The following DTWD2 variants were observed in gnomAD, a reference collection of about 807,000 sequenced individuals.
The protein encoded by DTWD2 is DTW motif tRNA-uridine aminocarboxypropyltransferase 2, also known as tRNA-uridine aminocarboxypropyltransferase 2.
In DTWD2, 39 loss-of-function variants were observed where a neutral mutation model predicts 31.8. That is an observed-to-expected ratio of 1.22 (90% CI 0.95 to 1.60). The LOEUF (loss-of-function observed/expected upper bound fraction) is 1.60. Ranked by LOEUF, DTWD2 falls within the 40% of genes most tolerant of loss-of-function variation. DTWD2 has a pLI of 0.00. For synonymous variants in DTWD2, 180 were observed against 142.8 expected, an observed-to-expected ratio of 1.26 and a Z score of -1.86; for missense variants, 515 against 381.5, an observed-to-expected ratio of 1.35 and a Z score of -2.92.
intron 4 of DTWD2, among the ~76,000 whole-genome samples, chr5:118,903,133 T>C (rs1195369585): frequency 6.9e-6 from 1 of 144,328 alleles, no homozygotes; most frequent in Non-Finnish European, 1.5e-5. Flanking sequence ...TAATATTCAT[T>C]GTGCTAAAAT....
intron 4 of DTWD2, among the ~76,000 whole-genome samples, chr5:118,908,505 T>C (rs1753383532): frequency 6.6e-6 from 1 of 152,136 alleles, no homozygotes; most frequent in Non-Finnish European, 1.5e-5. Context: ...TTCAAACACA[T>C]ATCTTCTAAT....
intron 4 of DTWD2, among the ~76,000 whole-genome samples, chr5:118,865,271 A>T (rs1752357775): frequency 6.6e-6 from 1 of 152,208 alleles, no homozygotes; most frequent in African/African-American, 2.4e-5. Flanking sequence ...AAACATGTTA[A>T]ATGACATTAC....
At chr5:118,919,430 T>A (rs999782834) in intron 4 of DTWD2, among the ~76,000 whole-genome samples, 1 of 152,234 alleles carries the variant, frequency 6.6e-6, no homozygotes, top group Non-Finnish European at 1.5e-5. Context: ...TAATGGCTTC[T>A]TTAGGTCTAC....
At chr5:118,876,221 T>C (rs981926218) in intron 4 of DTWD2, among the ~76,000 whole-genome samples, 6 of 152,004 alleles carry the variant, frequency 3.9e-5, no homozygotes, top group Admixed American at 2.0e-4. Flanking sequence ...AAAAGGAAAA[T>C]ATATAGCACT....
chr5:118,952,721 T>G (rs1754494285), intron 1 of DTWD2, among the ~76,000 whole-genome samples: 1 of 152,154 alleles, frequency 6.6e-6, no homozygotes, highest in Admixed American at 6.5e-5. Flanking sequence ...GTGGTTAGAT[T>G]CTCAGCCCAC....
In DTWD2 at chr5:118,881,413, G is replaced by C. The variant is rs577709219; in HGVS notation, c.598-33195C>G. 6.6e-5 allele frequency among the ~76,000 whole-genome samples: 10 copies of C among 152,202 alleles called. No homozygotes were observed. The South Asian group carries it at 1.5e-3, about 22-fold the overall frequency. Reference sequence around the variant, plus strand: ...CTAAGAAATAACATGGCTTATATGAGTATTAATAATTTGAAAGTATTATTT... The same window carrying C: ...CTAAGAAATAACATGGCTTATATGACTATTAATAATTTGAAAGTATTATTT... On this transcript the variant is annotated intron_variant, in intron 4 of 5. Transcript: ENST00000510708.
intron 4 of DTWD2, among the ~76,000 whole-genome samples, chr5:118,879,290 T>C (rs757513100): frequency 3.3e-5 from 5 of 152,000 alleles, no homozygotes; most frequent in South Asian, 4.1e-4. Flanking sequence ...ATATACACCA[T>C]GGAATATTAC....
intron 5 of DTWD2, among the ~76,000 whole-genome samples, chr5:118,847,144 A>T (rs1198584561): frequency 6.6e-6 from 1 of 152,130 alleles, no homozygotes; most frequent in East Asian, 1.9e-4. Flanking sequence ...GGTAGCTAAT[A>T]CATTTACTCT....
In DTWD2 at chr5:118,988,283, C is replaced by A. The variant is rs968479875; in HGVS notation, c.218+11G>T. ...GCCGGCTGCAGTCCCCGCCCCCAGC[C>A]CCGCGGTCACCTGCAGCGGGTGCAC... is the stretch of plus-strand genomic sequence containing the variant. On this transcript the variant is annotated intron_variant, in intron 1 of 5. Coordinates refer to ENST00000510708, the MANE Select transcript of DTWD2 (RefSeq NM_173666.4). The A allele has an allele frequency of 2.0e-5, 30 of 1,524,138 alleles. No individual in the cohort carries two copies. The Admixed American group carries it at 4.9e-4, about 25-fold the overall frequency. 94.4% of individuals were successfully genotyped at this position (1,524,138 alleles called of 1,614,324 possible).
intron 4 of DTWD2, among the ~76,000 whole-genome samples, chr5:118,907,767 G>C (rs1753367354): frequency 6.6e-6 from 1 of 151,432 alleles, no homozygotes; most frequent in Admixed American, 6.6e-5. Context: ...CCAGGAGTCA[G>C]TGGCACAGAT....
At chr5:118,877,269 G>A (rs1460599158) in intron 4 of DTWD2, among the ~76,000 whole-genome samples, 5 of 152,074 alleles carry the variant, frequency 3.3e-5, no homozygotes, top group Admixed American at 2.6e-4. Context: ...TCAGGAGATC[G>A]AGACCATCCT....
At chr5:118,861,624 T>C (rs948595665) in intron 4 of DTWD2, among the ~76,000 whole-genome samples, 2 of 152,186 alleles carry the variant, frequency 1.3e-5, no homozygotes, top group Admixed American at 1.3e-4. Context: ...TCAGTATTTT[T>C]TTCTTTCAAT....
At chr5:118,924,658 T>A (rs914567057) in intron 4 of DTWD2, among the ~76,000 whole-genome samples, 1 of 152,236 alleles carries the variant, frequency 6.6e-6, no homozygotes, top group African/African-American at 2.4e-5. Flanking sequence ...TAAAATAAAC[T>A]TTTAGTGTTA....
intron 1 of DTWD2, among the ~76,000 whole-genome samples, chr5:118,985,490 T>TTATATATATATATATATATATATATATA (rs56393420): frequency 5.2e-5 from 5 of 95,424 alleles, no homozygotes; most frequent in Admixed American, 1.2e-4. Context: ...ATGTGCATTT[T>TTATATATATATATATATATATATATATA]TATATATATA....
chr5:118,972,926 A>G (rs999499322), intron 1 of DTWD2, among the ~76,000 whole-genome samples: 2 of 152,190 alleles, frequency 1.3e-5, no homozygotes, highest in Non-Finnish European at 2.9e-5. Context: ...TATTGGGTGC[A>G]TATATATTTA....
At chr5:118,863,285 C>T (rs1179792780) in intron 4 of DTWD2, among the ~76,000 whole-genome samples, 1 of 152,206 alleles carries the variant, frequency 6.6e-6, no homozygotes, top group Non-Finnish European at 1.5e-5. Flanking sequence ...CAAGGGAATG[C>T]ATACTGTAAA....
chr5:118,963,489 A>G (rs950874324), intron 1 of DTWD2, among the ~76,000 whole-genome samples: 5 of 152,244 alleles, frequency 3.3e-5, no homozygotes, highest in African/African-American at 1.2e-4. Context: ...GACCTGCAGG[A>G]CTTGGATGTT....
chr5:118,851,849 A>AG (rs971065498), intron 4 of DTWD2, among the ~76,000 whole-genome samples: 30 of 152,076 alleles, frequency 2.0e-4, no homozygotes, highest in African/African-American at 7.2e-4. Flanking sequence ...TAAAAAAAAA[A>AG]AAAAGAAAAA....
intron 1 of DTWD2, among the ~76,000 whole-genome samples, chr5:118,985,513 T>TATATATATATATATAC (rs1755406874): frequency 7.7e-6 from 1 of 129,372 alleles, no homozygotes; most frequent in Non-Finnish European, 1.6e-5. Context: ...TATATATATA[T>TATATATATATATATAC]ATATACACAC....
Sources: allele counts gnomAD v4.1 joint callset (sites outside exome capture counted in the v4.1 genomes callset), GRCh38; gene constraint gnomAD v4.1.1; transcripts MANE v1.5; gene names NCBI Gene and HGNC (gene_info 2026-07-23, HGNC 2026-07-21).